Variants in KNDC1 observed in about 807,000 individuals in gnomAD.
The protein encoded by KNDC1 is kinase non-catalytic C-lobe domain-containing protein 1.
In KNDC1, 106 loss-of-function variants were observed where a neutral mutation model predicts 172.8. The observed-to-expected ratio is 0.61, with a 90% CI of 0.52 to 0.72. KNDC1 has a LOEUF of 0.72. Ranked by LOEUF, KNDC1 falls within the 30% of genes least tolerant of loss-of-function variation. KNDC1 has a pLI of 0.00. For missense variants in KNDC1, 2,325 were observed against 2,394.5 expected, an observed-to-expected ratio of 0.97 and a Z score of 0.61; for synonymous variants, 1,083 against 1,062.2, an observed-to-expected ratio of 1.02 and a Z score of -0.38.
At chr10:133,195,586 G>T in intron 9 of KNDC1, 77 bp from the exon 10 acceptor site, 1 of 1,364,524 alleles carries the variant, frequency 7.3e-7, no homozygotes, top group Non-Finnish European at 9.7e-7. Context: ...CCCTCAGGGT[G>T]CCTGAGGTGG....
At position 133,212,748 on chromosome 10, in the gene KNDC1, G is replaced by C; in HGVS notation, c.4269G>C (p.Gly1423=). The change falls in exon 24 of 30, where the codon GGG becomes GGC. Residue 1423 remains glycine, a synonymous_variant. Coordinates refer to ENST00000304613, the MANE Select transcript of KNDC1 (RefSeq NM_152643.8). The stretch of plus-strand genomic sequence containing the variant: ...CCTGGAGGCTGCCCCGAGGCAACGG[G>C]CTGGTGCTGCCGCCACACAAGGAGC... ...SFPWRLPRGN[G]LVLPPHKERP... The C allele has an allele frequency of 8.1e-6, 13 of 1,613,488 alleles. No individual in the cohort carries two copies. Among genetic ancestry groups the C allele is most frequent in the Non-Finnish European group, 1.0e-5 (12 of 1,179,832 alleles).
rs757729715 is a variant in KNDC1 at position 133,211,806 on chromosome 10, G to C, written c.4184G>C (p.Arg1395Thr). 1.2e-6 allele frequency: 2 copies of C among 1,610,408 alleles called. No homozygotes were observed. Among genetic ancestry groups the C allele is most frequent in the Non-Finnish European group, 1.7e-6 (2 of 1,179,322 alleles). ...CCCAGGGAGGCCGAGGAGGATGCCA[G>C]ACCCTTCAACGCCCTCTGTAAGAGG... The part of the protein sequence containing the change: ...ENPREAEEDA[R>T]PFNALCKRLS... Residue 1395 changes from arginine (R) to threonine (T), a missense_variant, in exon 23 of 30, where the codon AGA (arginine) becomes ACA (threonine). Arg to Thr is a moderately conservative substitution (Grantham distance 71). Coordinates refer to ENST00000304613, the MANE Select transcript of KNDC1 (RefSeq NM_152643.8).
At chr10:133,201,215 GCC>G (rs1854353323) in intron 16 of KNDC1, among the ~76,000 whole-genome samples, 1 of 152,182 alleles carries the variant, frequency 6.6e-6, no homozygotes, top group Non-Finnish European at 1.5e-5. Flanking sequence ...ACAGGGCCCG[GCC>G]CCACCCCGGG....
At chr10:133,221,039 C>G (rs1021856646) in intron 29 of KNDC1, among the ~76,000 whole-genome samples, 3 of 152,126 alleles carry the variant, frequency 2.0e-5, no homozygotes, top group African/African-American at 7.2e-5. Flanking sequence ...TCCTGCACTT[C>G]TGCTGTCCAT....
At chr10:133,175,678 G>GT (rs1481726801) in intron 3 of KNDC1, among the ~76,000 whole-genome samples, 1 of 151,250 alleles carries the variant, frequency 6.6e-6, no homozygotes, top group Non-Finnish European at 1.5e-5. Flanking sequence ...GGATGGGTAG[G>GT]TGGGTGGATG....
intron 1 of KNDC1, among the ~76,000 whole-genome samples, chr10:133,166,427 C>T (rs1324670110): frequency 1.3e-5 from 2 of 151,234 alleles, no homozygotes; most frequent in African/African-American, 4.9e-5. Flanking sequence ...GGTGTGTGCA[C>T]CAAGTGTGGG....
intron 9 of KNDC1, among the ~76,000 whole-genome samples, chr10:133,190,331 GCA>G (rs1286129809): frequency 7.1e-5 from 4 of 56,574 alleles, no homozygotes; most frequent in African/African-American, 1.6e-4. Context: ...TAAGCACCCT[GCA>G]CTAAACACCC....
intron 28 of KNDC1, 86 bp from the exon 29 acceptor site, chr10:133,219,869 T>C: frequency 1.5e-6 from 2 of 1,347,720 alleles, no homozygotes; most frequent in Non-Finnish European, 2.0e-6. Flanking sequence ...CCGCTGGGAC[T>C]GGTTGGGCTG....
Position 133,211,667 on chromosome 10 carries a change from G to A in KNDC1, c.4057-12G>A. On this transcript the variant is annotated splice_polypyrimidine_tract_variant and intron_variant, in intron 22 of 29. Coordinates refer to ENST00000304613, the MANE Select transcript of KNDC1 (RefSeq NM_152643.8). ...GTGGCAGTGACCCCCCCACCACTGT[G>A]CTTCTGCCTAGATCCTACCCCTGGA... is the stretch of plus-strand genomic sequence containing the variant. 6.3e-7 allele frequency: 1 copy of A among 1,591,288 alleles called. No individual in the cohort carries two copies. The highest frequency in any genetic ancestry group is 8.6e-7 in the Non-Finnish European group (1 of 1,166,562).
chr10:133,198,478 C>A lies in KNDC1; in HGVS notation c.2048C>A (p.Ala683Glu). 1.2e-6 allele frequency: 2 copies of A among 1,606,490 alleles called. No homozygotes were observed. Among genetic ancestry groups the A allele is most frequent in the Non-Finnish European group, 1.7e-6 (2 of 1,176,572 alleles). ...EATHFKPIVL[A>E]QNASVARDQP... ...ACGCACTTCAAGCCCATTGTCCTCG[C>A]GCAGAACGCAAGTGTGGCCAGGTGA... Residue 683 changes from alanine to glutamate, a missense_variant, in exon 13 of 30, where the codon GCG (alanine) becomes GAG (glutamate). Transcript: ENST00000304613.
chr10:133,197,861 C>A, intron 12 of KNDC1, 93 bp downstream of exon 12: 1 of 1,045,156 alleles, frequency 9.6e-7, no homozygotes, highest in Non-Finnish European at 1.5e-6. Context: ...CAGCCGGGCA[C>A]CTCTCGGAAA....
At chr10:133,192,263 G>C (rs1220779640) in intron 9 of KNDC1, among the ~76,000 whole-genome samples, 2 of 152,146 alleles carry the variant, frequency 1.3e-5, no homozygotes, top group African/African-American at 4.8e-5. Context: ...ATACTACAAG[G>C]CCACAGTAAC....
At chr10:133,214,184 A>G in intron 26 of KNDC1, 62 bp downstream of exon 26, 1 of 1,574,418 alleles carries the variant, frequency 6.4e-7, no homozygotes, top group Non-Finnish European at 8.7e-7. Flanking sequence ...CGGGGGTGGC[A>G]GCGCCTCCTA....
At chr10:133,215,879 C>T (rs549166664) in intron 26 of KNDC1, among the ~76,000 whole-genome samples, 12 of 152,258 alleles carry the variant, frequency 7.9e-5, no homozygotes, top group Non-Finnish European at 1.0e-4. Context: ...GGACAGAGCT[C>T]GGCACTGCTG....
intron 3 of KNDC1, among the ~76,000 whole-genome samples, chr10:133,178,215 GGT>G (rs1220270817): frequency 3.3e-5 from 5 of 151,526 alleles, no homozygotes; most frequent in African/African-American, 7.3e-5. Context: ...GTATGTATGT[GGT>G]GTGTGTGCAT....
chr10:133,205,279 A>G (rs919308785), intron 17 of KNDC1, among the ~76,000 whole-genome samples: 1 of 152,162 alleles, frequency 6.6e-6, no homozygotes, highest in Non-Finnish European at 1.5e-5. Flanking sequence ...CCCTGAATGT[A>G]GAGTCCCGTC....
chr10:133,215,504 C>T (rs1262770365), intron 26 of KNDC1, among the ~76,000 whole-genome samples: 3 of 152,258 alleles, frequency 2.0e-5, no homozygotes, highest in African/African-American at 7.2e-5. Context: ...GAACAGGGAG[C>T]CTGGTTGCCT....
chr10:133,199,127 G>T lies in KNDC1; in HGVS notation c.2619G>T (p.Arg873Ser). ...AGAGGCCGCGGCCCGCAGACCGGAG[G>T]CTCTGTCTGCCCTGCGTGGATGCCT... ...VPERPRPADR[R>S]LCLPCVDASP... The change falls in exon 14 of 30, where the codon AGG becomes AGT. Residue 873 changes from arginine (R) to serine (S), a missense_variant. Physicochemically the swap from Arg to Ser is moderately radical, Grantham distance 110. Coordinates refer to ENST00000304613, the MANE Select transcript of KNDC1 (RefSeq NM_152643.8). 2 of 1,606,370 alleles carry T rather than the reference G, an allele frequency of 1.2e-6. No homozygotes were observed. Among genetic ancestry groups the T allele is most frequent in the Non-Finnish European group, 1.7e-6 (2 of 1,177,414 alleles).
chr10:133,210,829 G>A (rs1845349554), intron 21 of KNDC1, 105 bp downstream of exon 21: 9 of 949,492 alleles, frequency 9.5e-6, no homozygotes, highest in East Asian at 2.4e-5. Context: ...GGTCCCTGGC[G>A]ACCCAAGGGG....
Sources: gnomAD v4.1 joint callset for allele counts (sites outside exome capture counted in the v4.1 genomes callset) on GRCh38, gnomAD v4.1.1 for gene constraint, MANE v1.5 for transcripts, NCBI Gene and HGNC (gene_info 2026-07-23, HGNC 2026-07-21) for gene names.